Variants in ITGA1 observed in about 807,000 individuals in gnomAD.
ITGA1 encodes the protein integrin alpha-1.
In ITGA1, 85 loss-of-function variants were observed where a neutral mutation model predicts 145.9. That is an observed-to-expected ratio of 0.58 (90% CI 0.49 to 0.70). The LOEUF (loss-of-function observed/expected upper bound fraction) is 0.70, where lower values mean the gene tolerates loss of function less well. ITGA1 is among the 30% of genes least tolerant of loss of function. The pLI, the probability that ITGA1 is intolerant of heterozygous loss-of-function variation, is 0.00. For missense variants in ITGA1, 1,351 were observed against 1,418.7 expected, an observed-to-expected ratio of 0.95 and a Z score of 0.77; for synonymous variants, 520 against 495.3, an observed-to-expected ratio of 1.05 and a Z score of -0.66.
At chr5:52,881,025 G>T (rs1309253499) in intron 6 of ITGA1, among the ~76,000 whole-genome samples, 1 of 152,164 alleles carries the variant, frequency 6.6e-6, no homozygotes, top group Non-Finnish European at 1.5e-5. Flanking sequence ...CTGCATGAAG[G>T]CTCTGCAGTT....
intron 1 of ITGA1, among the ~76,000 whole-genome samples, chr5:52,809,595 C>T (rs1053785667): frequency 6.6e-6 from 1 of 150,980 alleles, no homozygotes; most frequent in African/African-American, 2.4e-5. Flanking sequence ...CCCTCTGCCT[C>T]CTGGGTTCAA....
At chr5:52,819,479 C>A (rs989918604) in intron 1 of ITGA1, among the ~76,000 whole-genome samples, 2 of 152,182 alleles carry the variant, frequency 1.3e-5, no homozygotes, top group African/African-American at 2.4e-5. Flanking sequence ...CCTCTGCCCA[C>A]TTTTTGATGG....
At chr5:52,843,554 C>T (rs1050072402) in intron 1 of ITGA1, among the ~76,000 whole-genome samples, 2 of 152,128 alleles carry the variant, frequency 1.3e-5, no homozygotes, top group Admixed American at 6.5e-5. Context: ...CTCAAGGATG[C>T]GTACAAGAGG....
At chr5:52,831,371 T>C (rs949931463) in intron 1 of ITGA1, among the ~76,000 whole-genome samples, 6 of 151,934 alleles carry the variant, frequency 3.9e-5, no homozygotes, top group African/African-American at 1.4e-4. Context: ...TGACCTCAAG[T>C]GATCTGCCCA....
At chr5:52,827,331 T>C (rs933590921) in intron 1 of ITGA1, among the ~76,000 whole-genome samples, 8 of 152,184 alleles carry the variant, frequency 5.3e-5, no homozygotes, top group Non-Finnish European at 1.0e-4. Flanking sequence ...TTGTTTCTCA[T>C]GGGTGAGTAG....
intron 1 of ITGA1, among the ~76,000 whole-genome samples, chr5:52,832,211 G>A (rs1465807718): frequency 6.6e-6 from 1 of 152,032 alleles, no homozygotes; most frequent in Non-Finnish European, 1.5e-5. Context: ...ACCAAGACAA[G>A]AGCCTACTCC....
intron 7 of ITGA1, among the ~76,000 whole-genome samples, chr5:52,884,735 A>T (rs2111809425): frequency 6.6e-6 from 1 of 152,282 alleles, no homozygotes; most frequent in Admixed American, 6.5e-5. Context: ...GGAAAAATAA[A>T]CTGTTTTTCT....
intron 20 of ITGA1, among the ~76,000 whole-genome samples, chr5:52,927,978 T>G (rs1347041000): frequency 6.6e-6 from 1 of 152,166 alleles, no homozygotes; most frequent in Non-Finnish European, 1.5e-5. Flanking sequence ...TGCTCACCCC[T>G]TCTACCATGT....
At chr5:52,816,007 G>A (rs1748762223) in intron 1 of ITGA1, among the ~76,000 whole-genome samples, 1 of 152,060 alleles carries the variant, frequency 6.6e-6, no homozygotes, top group South Asian at 2.1e-4. Context: ...GTGGCTAAGG[G>A]GAAAGGCTGT....
At chr5:52,887,019 T>A (rs1185258416) in intron 7 of ITGA1, among the ~76,000 whole-genome samples, 1 of 152,124 alleles carries the variant, frequency 6.6e-6, no homozygotes, top group Non-Finnish European at 1.5e-5. Context: ...CCTCGTGATC[T>A]GCCCGCCTCG....
At position 52,788,410 on chromosome 5, in the gene ITGA1, C is replaced by A; in HGVS notation, c.57C>A (p.Leu19=). 2.6e-6 allele frequency: 4 copies of A among 1,510,368 alleles called. No homozygotes were observed. Among genetic ancestry groups the A allele is most frequent in the Non-Finnish European group, 3.5e-6 (4 of 1,131,990 alleles). The allele number at this position is 1,510,368 out of a possible 1,614,324, so 93.6% of individuals were successfully genotyped here. A position where few individuals can be genotyped will look rare whatever the true frequency, so the allele number is the denominator to read the frequency against. ...TCGCTGTCGCCTGCTGCTGGCTCCTCACTGGTGAGCGACTCGCTTTTCTCT... is the reference window on the plus strand; with the variant it reads ...TCGCTGTCGCCTGCTGCTGGCTCCTAACTGGTGAGCGACTCGCTTTTCTCT... ...PGVAVACCWL[L]TVVLRCCVSF... is the part of the protein sequence containing the mutation. The change falls in exon 1 of 29, where the codon CTC becomes CTA. Residue 19 remains leucine, a synonymous_variant. Coordinates refer to ENST00000282588, the MANE Select transcript of ITGA1 (RefSeq NM_181501.2).
chr5:52,827,962 T>C (rs1379324076), intron 1 of ITGA1, among the ~76,000 whole-genome samples: 1 of 152,206 alleles, frequency 6.6e-6, no homozygotes, highest in African/African-American at 2.4e-5. Context: ...GCAGTATCTC[T>C]GTGATGTGCC....
Position 52,952,862 on chromosome 5 carries a change from A to G in ITGA1, c.*411A>G, listed in dbSNP as rs540154884. The G allele has an allele frequency of 6.6e-6, 1 of 152,570 alleles. No individual in the cohort carries two copies. Among genetic ancestry groups the G allele is most frequent in the East Asian group, 1.9e-4 (1 of 5,200 alleles). 9.5% of individuals were successfully genotyped at this position (152,570 alleles called of 1,614,324 possible). On this transcript the variant is annotated 3_prime_UTR_variant, in exon 29 of 29. Coordinates refer to ENST00000282588, the MANE Select transcript of ITGA1 (RefSeq NM_181501.2). ...TTCCTGTTGGATATCCATGTTCAGC[A>G]TGACAGTCAGCACTCGTAAATGCCA...
chr5:52,926,759 C>A (rs1388354772), intron 19 of ITGA1, among the ~76,000 whole-genome samples: 1 of 152,016 alleles, frequency 6.6e-6, no homozygotes, highest in Admixed American at 6.6e-5. Flanking sequence ...GCTAAAAAAT[C>A]TGACAGTGCA....
chr5:52,871,331 T>C (rs1463269861), intron 6 of ITGA1, among the ~76,000 whole-genome samples: 1 of 152,194 alleles, frequency 6.6e-6, no homozygotes, highest in Non-Finnish European at 1.5e-5. Flanking sequence ...TAAAAAAAAG[T>C]CATAAGATAT....
chr5:52,813,397 A>G lies in ITGA1; in HGVS notation c.61+24983A>G, dbSNP rs1748714384. Among the ~76,000 whole-genome samples the G allele has an allele frequency of 2.0e-5, 3 of 152,238 alleles. 1 individual carries two copies. Among genetic ancestry groups the G allele is most frequent in the South Asian group, 4.1e-4 (2 of 4,834 alleles). ...CTCAGCCTGGGTGTTTCAGCCATATATAAGTCATAAACAGACTACAATTAT... is the reference window on the plus strand; with the variant it reads ...CTCAGCCTGGGTGTTTCAGCCATATGTAAGTCATAAACAGACTACAATTAT... On this transcript the variant is annotated intron_variant, in intron 1 of 28. Transcript: ENST00000282588.
intron 2 of ITGA1, among the ~76,000 whole-genome samples, chr5:52,857,851 A>G (rs543616328): frequency 6.6e-6 from 1 of 152,184 alleles, no homozygotes; most frequent in Admixed American, 6.5e-5. Flanking sequence ...ACTTGCCTAC[A>G]GAAGTAACTC....
At chr5:52,864,004 C>T (rs1194672442) in intron 3 of ITGA1, 1 of 152,230 alleles carries the variant, frequency 6.6e-6, no homozygotes, top group Non-Finnish European at 1.5e-5. Flanking sequence ...ATGAAAACAA[C>T]CTCTGGAACA....
intron 1 of ITGA1, among the ~76,000 whole-genome samples, chr5:52,796,489 C>T (rs968159085): frequency 6.6e-6 from 1 of 151,566 alleles, no homozygotes; most frequent in Non-Finnish European, 1.5e-5. Context: ...AGCTAAAAGC[C>T]CTGGTATTTT....
Sources: allele counts gnomAD v4.1 joint callset (sites outside exome capture counted in the v4.1 genomes callset), GRCh38; gene constraint gnomAD v4.1.1; transcripts MANE v1.5; gene names NCBI Gene and HGNC (gene_info 2026-07-23, HGNC 2026-07-21).